Variants in CIPC observed in about 807,000 individuals in gnomAD.
CIPC encodes CLOCK interacting pacemaker, also known as CLOCK-interacting pacemaker.
A neutral mutation model predicts 26.7 loss-of-function variants in CIPC; 12 were observed. The observed-to-expected ratio is 0.45, with a 90% CI of 0.29 to 0.73. CIPC has a LOEUF of 0.73. CIPC is among the 30% of genes least tolerant of loss of function. CIPC has a pLI of 0.12. For synonymous variants in CIPC, 170 were observed against 189.8 expected (o/e 0.90, Z 0.86); for missense variants, 417 against 486.5 (o/e 0.86, Z 1.34).
Position 77,105,722 on chromosome 14 carries a change from A to AC in CIPC, c.17dup (p.Ser7IlefsTer31). ...GCTGAATAAACCATGGAGAGGAAAA[A>AC]CCCATCCAGAGAGAGCCCCAGAAGA... On this transcript the variant is annotated frameshift_variant, in exon 2 of 4. Transcript: ENST00000361786. LOFTEE classifies it high-confidence loss of function. 6.2e-7 allele frequency: 1 copy of AC among 1,613,962 alleles called. No homozygotes were observed. The highest frequency in any genetic ancestry group is 8.5e-7 in the Non-Finnish European group (1 of 1,179,922).
chr14:77,107,284 T>G (rs571094781), intron 2 of CIPC, among the ~76,000 whole-genome samples: 1 of 152,354 alleles, frequency 6.6e-6, no homozygotes, highest in East Asian at 1.9e-4. Flanking sequence ...TTTTGACACT[T>G]CTAACAACTT....
intron 1 of CIPC, among the ~76,000 whole-genome samples, chr14:77,103,412 T>A (rs1201493550): frequency 6.6e-6 from 1 of 152,230 alleles, no homozygotes; most frequent in Non-Finnish European, 1.5e-5. Context: ...GTGTTTTTCT[T>A]CACTCAAAGA....
In CIPC at chr14:77,105,682, A is replaced by G. The variant is rs184833962; in HGVS notation, c.-27A>G. On this transcript the variant is annotated 5_prime_UTR_variant, in exon 2 of 4. An upstream start codon of the reference 5' UTR is lost. Transcript: ENST00000361786. ...GGCAGTCCAGATGAAAAGAGTACCA[A>G]TGAATCTGCCTCCAGCTGAATAAAC... 43 of 1,609,246 alleles carry G rather than the reference A, an allele frequency of 2.7e-5. No homozygotes were observed. The highest frequency in any genetic ancestry group is 2.4e-4 in the African/African-American group (18 of 74,668).
In CIPC at chr14:77,116,979, C is replaced by CAATA. The variant is rs1886824352; in HGVS notation, c.*2662_*2663insATAA. ...GAGAACTTTTGGCAGATTTTGTTGG[C>CAATA]ATTATTGAAATATATATAGAAAAGT... On this transcript the variant is annotated 3_prime_UTR_variant, in exon 4 of 4. Transcript: ENST00000361786. The CAATA allele has an allele frequency of 6.6e-6, 1 of 152,106 alleles. No homozygotes were observed. Among genetic ancestry groups the CAATA allele is most frequent in the South Asian group, 2.1e-4 (1 of 4,824 alleles). 9.4% of individuals were successfully genotyped at this position (152,106 alleles called of 1,614,324 possible).
At chr14:77,104,514 G>C (rs1344225740) in intron 1 of CIPC, among the ~76,000 whole-genome samples, 1 of 152,218 alleles carries the variant, frequency 6.6e-6, no homozygotes, top group African/African-American at 2.4e-5. Context: ...GGTATTGCCT[G>C]TCTGTTCCCT....
rs534759736 is a variant in CIPC, at chr14:77,115,397, A to T, written c.*1079A>T. 3.9e-5 allele frequency: 6 copies of T among 152,264 alleles called. No homozygotes were observed. Among genetic ancestry groups the T allele is most frequent in the Admixed American group, 3.9e-4 (6 of 15,292 alleles). 9.4% of individuals were successfully genotyped at this position (152,264 alleles called of 1,614,324 possible). ...CCCAAATTTTTATTTGTTCCATGTC[A>T]TAGTGATGGGAAGCAGTTACAGAGC... On this transcript the variant is annotated 3_prime_UTR_variant, in exon 4 of 4. Coordinates refer to ENST00000361786, the MANE Select transcript of CIPC (RefSeq NM_033426.3).
rs1555383136 is a variant in CIPC, at chr14:77,112,708, TTTG to T, written c.307-702_307-700del. Among the ~76,000 whole-genome samples the T allele has an allele frequency of 1.1e-4, 16 of 151,934 alleles. No homozygotes were observed. The East Asian group carries it at 1.2e-3, about 11-fold the overall frequency. On this transcript the variant is annotated intron_variant, in intron 3 of 3. Transcript: ENST00000361786. ...TTTTTTTCTTTTCTTTCTGTTTTTTTTTGTTGTTGTTGTTGTTTTTGAAACCAA... is the reference window on the plus strand; with the variant it reads ...TTTTTTTCTTTTCTTTCTGTTTTTTTTTGTTGTTGTTGTTTTTGAAACCAA...
chr14:77,105,213 C>CGAGGAAAGCAAGCCTT (rs1295346785), intron 1 of CIPC, among the ~76,000 whole-genome samples: 2 of 152,120 alleles, frequency 1.3e-5, no homozygotes, highest in African/African-American at 4.8e-5. Context: ...CAAATGTACA[C>CGAGGAAAGCAAGCCTT]GAGGAAAGCA....
chr14:77,101,109 C>A (rs955794576), intron 1 of CIPC, among the ~76,000 whole-genome samples: 2 of 152,154 alleles, frequency 1.3e-5, no homozygotes, highest in Non-Finnish European at 2.9e-5. Context: ...GCTTAGTAAT[C>A]CATTTTCAAC....
chr14:77,109,684 C>G, intron 2 of CIPC, 128 bp from the exon 3 acceptor site: 2 of 761,288 alleles, frequency 2.6e-6, no homozygotes, highest in Non-Finnish European at 4.1e-6. Context: ...GCCTCCTTCT[C>G]AATAAAATTC....
In CIPC at chr14:77,098,347, C is replaced by A. The variant is rs966124728; in HGVS notation, c.-67C>A. On this transcript the variant is annotated 5_prime_UTR_variant, in exon 1 of 4. Transcript: ENST00000361786. Reference sequence around the variant, plus strand: ...GACCCACAGGCCGGTCGTGGAGCTGCGACCCCGGCCCTAGGTGAGAAAGGG... The same window carrying A: ...GACCCACAGGCCGGTCGTGGAGCTGAGACCCCGGCCCTAGGTGAGAAAGGG... The A allele has an allele frequency of 6.6e-6, 1 of 152,602 alleles. No homozygotes were observed. Among genetic ancestry groups the A allele is most frequent in the Non-Finnish European group, 1.5e-5 (1 of 68,044 alleles). The allele number at this position is 152,602 out of a possible 1,614,324, so 9.5% of individuals were successfully genotyped here. A position where few individuals can be genotyped will look rare whatever the true frequency, so the allele number is the denominator to read the frequency against.
Position 77,114,191 on chromosome 14 carries a change from A to G in CIPC, c.1073A>G (p.Gln358Arg). The G allele has an allele frequency of 6.2e-7, 1 of 1,614,176 alleles. No homozygotes were observed. The highest frequency in any genetic ancestry group is 8.5e-7 in the Non-Finnish European group (1 of 1,180,034). ...CTAGACCAGCTAAAGGAGCAAACCC[A>G]GCTGTTTATAGAAGCCACCAAGAGC... The part of the protein sequence containing the change: ...VELDQLKEQT[Q>R]LFIEATKSRA... The change falls in exon 4 of 4, where the codon CAG (glutamine) becomes CGG (arginine). Residue 358 changes from glutamine to arginine, a missense_variant. Transcript: ENST00000361786.
Position 77,113,775 on chromosome 14 carries a change from C to T in CIPC, c.657C>T (p.Ser219=), listed in dbSNP as rs746157190. Residue 219 remains serine, a synonymous_variant, in exon 4 of 4, where the codon AGC becomes AGT. Transcript: ENST00000361786. ...PSSPSTPAPP[S]AKLAEDSALQ... The stretch of plus-strand genomic sequence containing the variant: ...GTCCCTCGACGCCAGCACCACCCAG[C>T]GCCAAACTTGCCGAGGACTCAGCTC... The T allele has an allele frequency of 1.7e-5, 27 of 1,613,432 alleles. No individual in the cohort carries two copies. In the African/African-American group the frequency reaches 1.7e-4, roughly 10 times the overall value.
intron 1 of CIPC, chr14:77,099,310 CAT>C (rs1462300059): frequency 6.6e-6 from 1 of 152,214 alleles, no homozygotes; most frequent in Non-Finnish European, 1.5e-5. Flanking sequence ...TGGTCTAAAA[CAT>C]AGGAAATTGT....
In CIPC at chr14:77,116,535, C is replaced by A. The variant is rs922882798; in HGVS notation, c.*2217C>A. The A allele has an allele frequency of 6.6e-6, 1 of 152,170 alleles. No homozygotes were observed. Among genetic ancestry groups the A allele is most frequent in the Non-Finnish European group, 1.5e-5 (1 of 68,018 alleles). 9.4% of individuals were successfully genotyped at this position (152,170 alleles called of 1,614,324 possible). A position where few individuals can be genotyped will look rare whatever the true frequency, so the allele number is the denominator to read the frequency against. On this transcript the variant is annotated 3_prime_UTR_variant, in exon 4 of 4. Coordinates refer to ENST00000361786, the MANE Select transcript of CIPC (RefSeq NM_033426.3). ...CTATAAGCCTCTTGGACTCTTCTTC[C>A]TAGATTAAGGCTTGCATTTCCCTCC...
At chr14:77,109,733 G>C in intron 2 of CIPC, 79 bp from the exon 3 acceptor site, 2 of 1,311,498 alleles carry the variant, frequency 1.5e-6, no homozygotes, top group Non-Finnish European at 2.1e-6. Flanking sequence ...AATTTCAAGA[G>C]GTCTGTAGCT....
intron 1 of CIPC, among the ~76,000 whole-genome samples, chr14:77,104,929 C>T (rs1886562007): frequency 6.6e-6 from 1 of 152,206 alleles, no homozygotes; most frequent in Non-Finnish European, 1.5e-5. Flanking sequence ...TTGAATGTAA[C>T]TTATCTGAGC....
chr14:77,117,177 T>C lies in CIPC; in HGVS notation c.*2859T>C, dbSNP rs1886828095. Reference sequence around the variant, plus strand: ...AGTGGTTTTTCAGCTATGAATTCTTTAGGGTAGAAATTTATTTAGCAAATG... The same window carrying C: ...AGTGGTTTTTCAGCTATGAATTCTTCAGGGTAGAAATTTATTTAGCAAATG... On this transcript the variant is annotated 3_prime_UTR_variant, in exon 4 of 4. Coordinates refer to ENST00000361786, the MANE Select transcript of CIPC (RefSeq NM_033426.3). The C allele has an allele frequency of 1.3e-5, 2 of 152,588 alleles. No individual in the cohort carries two copies. The highest frequency in any genetic ancestry group is 2.9e-5 in the Non-Finnish European group (2 of 68,042). The allele number at this position is 152,588 out of a possible 1,614,324, so 9.5% of individuals were successfully genotyped here. A position where few individuals can be genotyped will look rare whatever the true frequency, so the allele number is the denominator to read the frequency against.
At chr14:77,110,689 TTAGAA>T (rs10585198) in intron 3 of CIPC, among the ~76,000 whole-genome samples, 61,363 of 151,754 alleles carry the variant, frequency 0.4, 12,959 homozygotes, top group East Asian at 0.53. Context: ...CTTGGTTAAG[TTAGAA>T]TAGAGAAGTC....
Sources: allele counts gnomAD v4.1 joint callset (sites outside exome capture counted in the v4.1 genomes callset), GRCh38; gene constraint gnomAD v4.1.1; transcripts MANE v1.5; gene names NCBI Gene and HGNC (gene_info 2026-07-23, HGNC 2026-07-21).